ADAMTS2: variants seen among roughly 807,000 people sequenced by gnomAD.
The protein encoded by ADAMTS2 is A disintegrin and metalloproteinase with thrombospondin motifs 2.
Under a neutral mutation model 123.0 loss-of-function variants are expected in ADAMTS2, and 50 were observed. The observed-to-expected ratio is 0.41, with a 90% CI of 0.32 to 0.51. The LOEUF (loss-of-function observed/expected upper bound fraction) is 0.51. ADAMTS2 is among the 20% of genes least tolerant of loss of function. The probability of loss-of-function intolerance (pLI) is 0.35; values close to 1 mark genes in which losing one functional copy is unlikely to be tolerated. For missense variants in ADAMTS2, 1,494 were observed against 1,705.2 expected (o/e 0.88, Z 2.18); for synonymous variants, 678 against 695.4 (o/e 0.98, Z 0.39).
intron 3 of ADAMTS2, among the ~76,000 whole-genome samples, chr5:179,208,228 TC>T (rs1003867278): frequency 1.1e-4 from 12 of 112,444 alleles, no homozygotes; most frequent in African/African-American, 3.4e-4. Flanking sequence ...AGGACTGGTG[TC>T]CCAGGTGTCA....
At chr5:179,216,703 C>T (rs1353620880) in intron 3 of ADAMTS2, among the ~76,000 whole-genome samples, 1 of 152,260 alleles carries the variant, frequency 6.6e-6, no homozygotes, top group African/African-American at 2.4e-5. Context: ...GGCAGTGCCG[C>T]CCTCTCCTTA....
chr5:179,145,545 T>C (rs115478004), intron 10 of ADAMTS2, among the ~76,000 whole-genome samples: 3,289 of 152,334 alleles, frequency 0.022, 73 homozygotes, highest in African/African-American at 0.055. Context: ...GCAGGGCTGC[T>C]GCACACTACA....
At position 179,276,473 on chromosome 5, in the gene ADAMTS2, G is replaced by A. The variant is rs77439465; in HGVS notation, c.535-3409C>T. On this transcript the variant is annotated intron_variant, in intron 2 of 21. Coordinates refer to ENST00000251582, the MANE Select transcript of ADAMTS2 (RefSeq NM_014244.5). ...TATCTGGCCAGGTGACCTCAGGCAA[G>A]GTGTCAAGCTCCCCAAGCGTCCAGT... is the stretch of plus-strand genomic sequence containing the variant. 3.5e-3 allele frequency among the ~76,000 whole-genome samples: 529 copies of A among 152,318 alleles called. 4 individuals carry two copies. Among genetic ancestry groups the A allele is most frequent in the African/African-American group, 0.012 (510 of 41,558 alleles).
rs1416824137 is a variant in ADAMTS2, at chr5:179,147,229, T to C, written c.1629+4913A>G. Among the ~76,000 whole-genome samples the C allele has an allele frequency of 3.9e-5, 6 of 152,300 alleles. No individual in the cohort carries two copies. In the Middle Eastern group the frequency reaches 0.01, roughly 259 times the overall value. On this transcript the variant is annotated intron_variant, in intron 10 of 21. Transcript: ENST00000251582. The stretch of plus-strand genomic sequence containing the variant: ...TCAGCCTCCCCAGTAGCTAGGACTA[T>C]AGGCATGCGCCACCATGCCTGGCTA...
chr5:179,203,314 C>A (rs926679644), intron 4 of ADAMTS2, among the ~76,000 whole-genome samples: 1 of 152,226 alleles, frequency 6.6e-6, no homozygotes, highest in Non-Finnish European at 1.5e-5. Flanking sequence ...CCCCAGACCC[C>A]GGGCTCTGGA....
chr5:179,282,615 T>C (rs1408551872), intron 2 of ADAMTS2, among the ~76,000 whole-genome samples: 1 of 152,216 alleles, frequency 6.6e-6, no homozygotes, highest in Non-Finnish European at 1.5e-5. Context: ...TCTGGATCCC[T>C]TGTATTTCTG....
rs1180738915 is a variant in ADAMTS2 at position 179,285,564 on chromosome 5, A to G, written c.535-12500T>C. Among the ~76,000 whole-genome samples the G allele has an allele frequency of 1.3e-5, 2 of 152,216 alleles. No individual in the cohort carries two copies. The highest frequency in any genetic ancestry group is 2.4e-5 in the African/African-American group (1 of 41,456). On this transcript the variant is annotated intron_variant, in intron 2 of 21. Coordinates refer to ENST00000251582, the MANE Select transcript of ADAMTS2 (RefSeq NM_014244.5). The surrounding 1 kb of genome is among the most constrained non-coding windows in gnomAD (Gnocchi z 4.9). ...GGCCAGCCAGACCCAGCCAGGACAC[A>G]GAGGTCAGTGGGTCAGACCCAGACT... is the stretch of plus-strand genomic sequence containing the variant.
rs13160812 is a variant in ADAMTS2 at position 179,332,596 on chromosome 5, C to T, written c.534+11171G>A. On this transcript the variant is annotated intron_variant, in intron 2 of 21. Transcript: ENST00000251582. This position sits in a 1 kb window ranked among gnomAD's most constrained non-coding sequence, Gnocchi z 4.2. The stretch of plus-strand genomic sequence containing the variant: ...ACAGGGTCTCAGACAGTACCTCAGT[C>T]TGTGACCCAACCTGCATTGCCCCAG... Among the ~76,000 whole-genome samples, 1 of 152,034 alleles carries T rather than the reference C, an allele frequency of 6.6e-6. No homozygotes were observed. Among genetic ancestry groups the T allele is most frequent in the Non-Finnish European group, 1.5e-5 (1 of 68,008 alleles).
chr5:179,339,869 C>G (rs566160485), intron 2 of ADAMTS2, among the ~76,000 whole-genome samples: 3 of 152,364 alleles, frequency 2.0e-5, no homozygotes, highest in Admixed American at 2.0e-4. Context: ...AGTGTGTGGC[C>G]TCGAAGGCAG....
At position 179,207,634 on chromosome 5, in the gene ADAMTS2, G is replaced by A. The variant is rs370679548; in HGVS notation, c.770C>T (p.Ala257Val). 3 of 1,613,780 alleles carry A rather than the reference G, an allele frequency of 1.9e-6. No individual in the cohort carries two copies. The highest frequency in any genetic ancestry group is 2.5e-6 in the Non-Finnish European group (3 of 1,180,020). The change falls in exon 4 of 22, where the codon GCA becomes GTA. Residue 257 changes from alanine to valine, a missense_variant. By Grantham distance (64) the Ala-to-Val change is moderately conservative (BLOSUM62 0). Around this residue, in one of 6 missense-constraint regions of ADAMTS2, gnomAD observed 184 missense variants for 152.1 expected, o/e 1.21. Transcript: ENST00000251582. ...GTCATCGTCCGCAGCATGCCTGCGT[G>A]CCCTCCGCCTCGAGCTGTTGGCGTG... ...EEHANSSRRRARRHAADDDYN... is the reference protein window; with the variant it reads ...EEHANSSRRRVRRHAADDDYN...
Position 179,129,135 on chromosome 5 carries a change from C to T in ADAMTS2, c.2457+797G>A, listed in dbSNP as rs987544463. 6.6e-6 allele frequency among the ~76,000 whole-genome samples: 1 copy of T among 152,106 alleles called. No homozygotes were observed. The highest frequency in any genetic ancestry group is 6.5e-5 in the Admixed American group (1 of 15,268). ...TTGCAAATACAGAAACCGTGAGTGC[C>T]GAGGACCAGCTGCTCACACACTGAT... On this transcript the variant is annotated intron_variant, in intron 16 of 21. Transcript: ENST00000251582. This position sits in a 1 kb window ranked among gnomAD's most constrained non-coding sequence, Gnocchi z 4.1.
Position 179,129,210 on chromosome 5 carries a change from C to T in ADAMTS2, c.2457+722G>A, listed in dbSNP as rs772298192. Among the ~76,000 whole-genome samples, 4 of 152,146 alleles carry T rather than the reference C, an allele frequency of 2.6e-5. No homozygotes were observed. The highest frequency in any genetic ancestry group is 2.1e-4 in the South Asian group (1 of 4,822). ...CCAGGGGGCCAGAAGTCACTGCAGG[C>T]GAGGCAGGCAGGGTGCCAGGGGGTA... On this transcript the variant is annotated intron_variant, in intron 16 of 21. Transcript: ENST00000251582. The surrounding 1 kb of genome is among the most constrained non-coding windows in gnomAD (Gnocchi z 4.1).
Position 179,225,554 on chromosome 5 carries a change from G to A in ADAMTS2, c.689-17839C>T, listed in dbSNP as rs879238448. The stretch of plus-strand genomic sequence containing the variant: ...AACAGGCAGACACAGGCGGCTGGAC[G>A]TCGAGAGGAGCGCATGAGGGGAGGA... On this transcript the variant is annotated intron_variant, in intron 3 of 21. Coordinates refer to ENST00000251582, the MANE Select transcript of ADAMTS2 (RefSeq NM_014244.5). This position sits in a 1 kb window ranked among gnomAD's most constrained non-coding sequence, Gnocchi z 4.5. 2.6e-5 allele frequency among the ~76,000 whole-genome samples: 4 copies of A among 152,090 alleles called. No homozygotes were observed. The highest frequency in any genetic ancestry group is 1.9e-4 in the East Asian group (1 of 5,174).
chr5:179,296,910 C>T (rs922305209), intron 2 of ADAMTS2, among the ~76,000 whole-genome samples: 11 of 152,122 alleles, frequency 7.2e-5, no homozygotes, highest in East Asian at 1.9e-4. Flanking sequence ...CAAGGCATGC[C>T]GTCTGTAACA....
intron 18 of ADAMTS2, 80 bp from the exon 19 acceptor site, chr5:179,125,260 T>G: frequency 7.4e-7 from 1 of 1,354,574 alleles, no homozygotes; most frequent in Non-Finnish European, 1.0e-6. Flanking sequence ...CGCCGCTCCC[T>G]GCAGCCCAGG....
At chr5:179,169,533 G>A (rs1035366714) in intron 5 of ADAMTS2, among the ~76,000 whole-genome samples, 4 of 152,164 alleles carry the variant, frequency 2.6e-5, no homozygotes, top group Admixed American at 2.0e-4. Flanking sequence ...ATCATGCCTT[G>A]CACCCCTATC....
rs199664723 is a variant in ADAMTS2, at chr5:179,154,903, G to A, written c.1149C>T (p.Thr383=). 437 of 1,613,372 alleles carry A rather than the reference G, an allele frequency of 2.7e-4. No individual in the cohort carries two copies. The highest frequency in any genetic ancestry group is 4.9e-4 in the East Asian group (22 of 44,880). Residue 383 remains threonine, a synonymous_variant, in exon 7 of 22, where the codon ACC becomes ACT. Transcript: ENST00000251582. The part of the protein sequence containing the change: ...PSGMQGYAPV[T]GMCHPVRSCT... ...AGCTGCGGACCGGATGGCACATGCC[G>A]GTGACAGGAGCATAGCCTGGGAGGA... is the stretch of plus-strand genomic sequence containing the variant.
chr5:179,329,056 A>G (rs6888127), intron 2 of ADAMTS2, among the ~76,000 whole-genome samples: 4,591 of 152,234 alleles, frequency 0.03, 190 homozygotes, highest in African/African-American at 0.1. Flanking sequence ...GGCCAGGCAC[A>G]GTGGCTCATG....
intron 3 of ADAMTS2, among the ~76,000 whole-genome samples, chr5:179,214,359 C>A (rs1256319567): frequency 2.0e-5 from 3 of 152,192 alleles, no homozygotes; most frequent in African/African-American, 7.2e-5. Flanking sequence ...AAATTAAAAG[C>A]ACCATTCTAA....
Sources: allele counts gnomAD v4.1 joint callset (sites outside exome capture counted in the v4.1 genomes callset), GRCh38; gene constraint gnomAD v4.1.1; regional missense constraint gnomAD v4.1.1; non-coding constraint Gnocchi (gnomAD v3.1); transcripts MANE v1.5; gene names NCBI Gene and HGNC (gene_info 2026-07-23, HGNC 2026-07-21).